HIPK3: variants seen among roughly 807,000 people sequenced by gnomAD.
HIPK3 encodes homeodomain interacting protein kinase 3.
In HIPK3, 47 loss-of-function variants were observed where a neutral mutation model predicts 124.2. The observed-to-expected ratio is 0.38, with a 90% CI of 0.30 to 0.48. HIPK3 has a LOEUF of 0.48. HIPK3 is among the 20% of genes least tolerant of loss of function. The pLI is 0.98. For synonymous variants in HIPK3, 482 were observed against 515.2 expected, an observed-to-expected ratio of 0.94 and a Z score of 0.87; for missense variants, 1,286 against 1,454.3, an observed-to-expected ratio of 0.88 and a Z score of 1.88.
chr11:33,294,147 C>T (rs1851775254), intron 2 of HIPK3, among the ~76,000 whole-genome samples: 1 of 108,000 alleles, frequency 9.3e-6, no homozygotes, highest in African/African-American at 3.3e-5. Flanking sequence ...GAGCGAGACT[C>T]CATCTGAAAA....
intron 2 of HIPK3, among the ~76,000 whole-genome samples, chr11:33,301,915 AT>A (rs566074333): frequency 1.3e-3 from 201 of 151,558 alleles, no homozygotes; most frequent in Middle Eastern, 6.8e-3. Context: ...ATGAGAATAT[AT>A]TTTAGATAGG....
In HIPK3 at chr11:33,303,106, T is replaced by C. The variant is rs541197622; in HGVS notation, c.1097+15595T>C. On this transcript the variant is annotated intron_variant, in intron 2 of 16. Coordinates refer to ENST00000303296, the MANE Select transcript of HIPK3 (RefSeq NM_005734.5). ...TGTTTATACCCATTAGATGTGGTTG[T>C]CCCTTGATATCTGAGGGATTGGTTC... Among the ~76,000 whole-genome samples the C allele has an allele frequency of 5.3e-5, 8 of 152,306 alleles. No individual in the cohort carries two copies. The East Asian group carries it at 1.5e-3, about 29-fold the overall frequency.
At chr11:33,311,797 G>A (rs1852344682) in intron 2 of HIPK3, among the ~76,000 whole-genome samples, 1 of 150,050 alleles carries the variant, frequency 6.7e-6, no homozygotes, top group Admixed American at 6.7e-5. Flanking sequence ...CGCTCCAGGA[G>A]TTCATGAGCA....
At chr11:33,327,529 A>G (rs905006759) in intron 2 of HIPK3, among the ~76,000 whole-genome samples, 2 of 152,314 alleles carry the variant, frequency 1.3e-5, no homozygotes, top group South Asian at 2.1e-4. Flanking sequence ...CCAAACTTAA[A>G]TGGAGTCTGA....
intron 1 of HIPK3, 38 bp from the exon 2 acceptor site, chr11:33,286,375 C>G: frequency 1.4e-6 from 2 of 1,382,544 alleles, no homozygotes; most frequent in Admixed American, 3.3e-5. Flanking sequence ...TTTCTTCTTT[C>G]CTTTTTTTTC....
intron 3 of HIPK3, among the ~76,000 whole-genome samples, chr11:33,331,747 C>G (rs1852991940): frequency 6.6e-6 from 1 of 152,248 alleles, no homozygotes; most frequent in East Asian, 1.9e-4. Flanking sequence ...GTAATATTAA[C>G]TAATTAATGC....
At chr11:33,310,424 C>T (rs1411554507) in intron 2 of HIPK3, among the ~76,000 whole-genome samples, 1 of 152,112 alleles carries the variant, frequency 6.6e-6, no homozygotes, top group Non-Finnish European at 1.5e-5. Flanking sequence ...TCCTGCCTCT[C>T]AGCCTCCTGA....
intron 1 of HIPK3, among the ~76,000 whole-genome samples, chr11:33,273,338 A>C (rs2133880066): frequency 6.6e-6 from 1 of 152,096 alleles, no homozygotes; most frequent in South Asian, 2.1e-4. Context: ...CCCCGTCTGT[A>C]CTAACAATAC....
chr11:33,352,932 A>G (rs1192556659), intron 16 of HIPK3, among the ~76,000 whole-genome samples, 160 bp from the exon 17 acceptor site: 1 of 152,088 alleles, frequency 6.6e-6, no homozygotes, highest in East Asian at 1.9e-4. Flanking sequence ...TATGGAATTG[A>G]TATTTTTCTC....
chr11:33,295,292 C>T (rs187871321), intron 2 of HIPK3, among the ~76,000 whole-genome samples: 1,134 of 99,086 alleles, frequency 0.011, 5 homozygotes, highest in Non-Finnish European at 0.016. Flanking sequence ...CCCCCCACAA[C>T]TCCACCCCAT....
At chr11:33,306,938 C>CTTT (rs371207899) in intron 2 of HIPK3, among the ~76,000 whole-genome samples, 3 of 136,674 alleles carry the variant, frequency 2.2e-5, no homozygotes, top group Non-Finnish European at 3.2e-5. Context: ...GATGCATCCA[C>CTTT]TTTTTTTTTT....
intron 2 of HIPK3, among the ~76,000 whole-genome samples, chr11:33,317,517 T>C (rs1852541069): frequency 1.3e-5 from 2 of 152,148 alleles, no homozygotes; most frequent in Admixed American, 6.5e-5. Context: ...CCCTCCCAGC[T>C]TGGCCTCCCA....
chr11:33,330,657 A>C lies in HIPK3; in HGVS notation c.1221+2024A>C, dbSNP rs535818987. 2.0e-5 allele frequency among the ~76,000 whole-genome samples: 3 copies of C among 152,234 alleles called. No individual in the cohort carries two copies. The South Asian group carries it at 6.2e-4, about 32-fold the overall frequency. On this transcript the variant is annotated intron_variant, in intron 3 of 16. Coordinates refer to ENST00000303296, the MANE Select transcript of HIPK3 (RefSeq NM_005734.5). ...TTCAATGTTTTAAAATATTTTACAA[A>C]ATACATGAATGCAAAGCAAATAAAT...
intron 3 of HIPK3, among the ~76,000 whole-genome samples, chr11:33,333,758 G>A (rs1304558396): frequency 6.6e-6 from 1 of 152,066 alleles, no homozygotes; most frequent in Admixed American, 6.6e-5. Flanking sequence ...TGCTTTTTTA[G>A]CACTTTGTTT....
At chr11:33,338,143 A>G (rs559031978) in intron 4 of HIPK3, among the ~76,000 whole-genome samples, 1 of 152,362 alleles carries the variant, frequency 6.6e-6, no homozygotes, top group East Asian at 1.9e-4. Context: ...AGGACAGGGA[A>G]TGAATCTAAC....
In HIPK3 at chr11:33,351,693, G is replaced by T; in HGVS notation, c.2893G>T (p.Ala965Ser). The stretch of plus-strand genomic sequence containing the variant: ...CTCTTCCGGGCATGACAGTCCATTT[G>T]CAGAGAGCACTTTTGTGGAGGACAC... ...SDSSGHDSPF[A>S]ESTFVEDTHE... The change falls in exon 15 of 17, where the codon GCA becomes TCA. Residue 965 changes from alanine (A) to serine (S), a missense_variant. By Grantham distance (99) the Ala-to-Ser change is moderately conservative. Transcript: ENST00000303296. 4 of 1,614,184 alleles carry T rather than the reference G, an allele frequency of 2.5e-6. No homozygotes were observed. The highest frequency in any genetic ancestry group is 3.4e-6 in the Non-Finnish European group (4 of 1,180,028).
In HIPK3 at chr11:33,351,666, G is replaced by C. The variant is rs757122827; in HGVS notation, c.2866G>C (p.Asp956His). ...CDTVDGSPTS[D>H]SSGHDSPFAE... ...TACGGTGGATGGCTCTCCGACATCTGACTCTTCCGGGCATGACAGTCCATT... is the reference window on the plus strand; with the variant it reads ...TACGGTGGATGGCTCTCCGACATCTCACTCTTCCGGGCATGACAGTCCATT... Residue 956 changes from aspartate (D) to histidine (H), a missense_variant, in exon 15 of 17, where the codon GAC becomes CAC. By Grantham distance (81) the Asp-to-His change is moderately conservative (BLOSUM62 -1). This residue lies in a region of HIPK3 where 810 missense variants were observed against 864.9 expected (regional missense o/e 0.94). Coordinates refer to ENST00000303296, the MANE Select transcript of HIPK3 (RefSeq NM_005734.5). 8 of 1,614,206 alleles carry C rather than the reference G, an allele frequency of 5.0e-6. No homozygotes were observed. The highest frequency in any genetic ancestry group is 6.8e-6 in the Non-Finnish European group (8 of 1,180,030).
rs772767615 is a variant in HIPK3 at position 33,287,524 on chromosome 11, T to G, written c.1097+13T>G. On this transcript the variant is annotated intron_variant, in intron 2 of 16. Coordinates refer to ENST00000303296, the MANE Select transcript of HIPK3 (RefSeq NM_005734.5). ...CTCGGTACTACAGGTAGGTAACAAC[T>G]CCATACTTTTTGGTTGTTTATTAAT... The G allele has an allele frequency of 6.3e-7, 1 of 1,590,722 alleles. No individual in the cohort carries two copies. Among genetic ancestry groups the G allele is most frequent in the African/African-American group, 1.4e-5 (1 of 74,036 alleles).
intron 1 of HIPK3, among the ~76,000 whole-genome samples, chr11:33,263,348 G>T (rs1274914961): frequency 6.6e-6 from 1 of 152,040 alleles, no homozygotes; most frequent in African/African-American, 2.4e-5. Context: ...ACAGGGCCTC[G>T]CTCTGTCACC....
Sources: allele counts gnomAD v4.1 joint callset (sites outside exome capture counted in the v4.1 genomes callset), GRCh38; gene constraint gnomAD v4.1.1; regional missense constraint gnomAD v4.1.1; transcripts MANE v1.5; gene names NCBI Gene and HGNC (gene_info 2026-07-23, HGNC 2026-07-21).